The following PSMD1 variants were observed in gnomAD, a reference collection of about 807,000 sequenced individuals.
The protein encoded by PSMD1 is 26S proteasome non-ATPase regulatory subunit 1.
In PSMD1, 18 loss-of-function variants were observed where a neutral mutation model predicts 119.0. The ratio of observed to expected loss-of-function variants is 0.15; its 90% confidence interval spans 0.10 to 0.22. The LOEUF is 0.22. Ranked by LOEUF, PSMD1 falls within the 10% of genes least tolerant of loss-of-function variation. The probability of loss-of-function intolerance (pLI) is 1.00; values close to 1 mark genes in which losing one functional copy is unlikely to be tolerated. For missense variants in PSMD1, 702 were observed against 1,158.5 expected, an observed-to-expected ratio of 0.61 and a Z score of 5.72; for synonymous variants, 374 against 396.6, an observed-to-expected ratio of 0.94 and a Z score of 0.68.
At chr2:231,136,684 C>T (rs952286606) in intron 16 of PSMD1, among the ~76,000 whole-genome samples, 3 of 152,048 alleles carry the variant, frequency 2.0e-5, no homozygotes, top group Non-Finnish European at 4.4e-5. Flanking sequence ...TACAAAAACA[C>T]TGACTGTGTT....
chr2:231,084,965 A>C, intron 14 of PSMD1, 54 bp from the exon 15 acceptor site: 1 of 1,428,844 alleles, frequency 7.0e-7, no homozygotes, highest in Non-Finnish European at 9.8e-7. Context: ...ATTAGACTGT[A>C]GAAGTTAACT....
intron 5 of PSMD1, among the ~76,000 whole-genome samples, chr2:231,069,708 T>A (rs1289883362): frequency 1.3e-5 from 2 of 152,216 alleles, no homozygotes; most frequent in Non-Finnish European, 2.9e-5. Context: ...AGCTACTTAG[T>A]GTATGGACAG....
chr2:231,172,132 T>A (rs1696927943), intron 24 of PSMD1, among the ~76,000 whole-genome samples: 1 of 152,248 alleles, frequency 6.6e-6, no homozygotes, highest in Non-Finnish European at 1.5e-5. Context: ...TCAGCCTTGA[T>A]AGTTTCCTAA....
At chr2:231,078,335 C>T (rs1475338010) in intron 9 of PSMD1, among the ~76,000 whole-genome samples, 1 of 152,156 alleles carries the variant, frequency 6.6e-6, no homozygotes, top group Non-Finnish European at 1.5e-5. Context: ...CAGGTTATCT[C>T]AACACCTTGG....
At chr2:231,108,773 C>T in intron 16 of PSMD1, 1 of 1,614,074 alleles carries the variant, frequency 6.2e-7, no homozygotes, top group Non-Finnish European at 8.5e-7. Context: ...CCGGTAATTG[C>T]AGGTGATATA....
At position 231,085,118 on chromosome 2, in the gene PSMD1, A is replaced by C. The variant is rs1196720524; in HGVS notation, c.1818+4A>C. 6.2e-7 allele frequency: 1 copy of C among 1,611,216 alleles called. No individual in the cohort carries two copies. Among genetic ancestry groups the C allele is most frequent in the East Asian group, 2.2e-5 (1 of 44,854 alleles). ...TCGACGCCTGCTACATGTTGCTGTA[A>C]GTACTCTGACCTTTCTTGGGAATGG... On this transcript the variant is annotated splice_donor_region_variant and intron_variant, in intron 15 of 24. Coordinates refer to ENST00000308696, the MANE Select transcript of PSMD1 (RefSeq NM_002807.4).
At chr2:231,108,929 A>G in intron 16 of PSMD1, 1 of 1,614,166 alleles carries the variant, frequency 6.2e-7, no homozygotes, top group Non-Finnish European at 8.5e-7. Flanking sequence ...AACTAAAGTT[A>G]TATTTGTAAT....
chr2:231,086,334 T>C (rs1025212340), intron 15 of PSMD1, among the ~76,000 whole-genome samples: 1 of 152,210 alleles, frequency 6.6e-6, no homozygotes, highest in African/African-American at 2.4e-5. Flanking sequence ...TGTGAGCCAC[T>C]GTGTCTGGCC....
intron 20 of PSMD1, among the ~76,000 whole-genome samples, chr2:231,161,741 A>G (rs548266018): frequency 6.6e-6 from 1 of 152,324 alleles, no homozygotes; most frequent in African/African-American, 2.4e-5. Flanking sequence ...GTTGAGAAAG[A>G]ATGGTGAGAG....
At chr2:231,165,026 A>ATATATATT (rs1310119353) in intron 21 of PSMD1, 174 bp from the exon 22 acceptor site, 1 of 20,792 alleles carries the variant, frequency 4.8e-5, no homozygotes, top group Non-Finnish European at 6.5e-5. Flanking sequence ...TCTTTGATTT[A>ATATATATT]TATATATTTA....
chr2:231,141,332 T>C (rs1002371797), intron 17 of PSMD1, among the ~76,000 whole-genome samples: 1 of 150,528 alleles, frequency 6.6e-6, no homozygotes, highest in African/African-American at 2.4e-5. Flanking sequence ...TATTTTTCAC[T>C]ACACATGGCA....
intron 8 of PSMD1, among the ~76,000 whole-genome samples, chr2:231,076,778 T>A (rs1694178651): frequency 6.6e-6 from 1 of 152,250 alleles, no homozygotes; most frequent in African/African-American, 2.4e-5. Context: ...TCCTGCGTGT[T>A]ATCAGTAATT....
intron 9 of PSMD1, 43 bp downstream of exon 9, chr2:231,077,205 G>A (rs766738697): frequency 1.5e-5 from 19 of 1,273,674 alleles, no homozygotes; most frequent in Non-Finnish European, 1.8e-5. Context: ...AAAATATTTA[G>A]TTCTTTGTTG....
intron 16 of PSMD1, among the ~76,000 whole-genome samples, chr2:231,119,839 C>T (rs535778114): frequency 8.6e-4 from 107 of 124,158 alleles, no homozygotes; most frequent in Admixed American, 2.0e-3. Flanking sequence ...CACTGCCCTG[C>T]AGTCTGGGCA....
chr2:231,088,537 C>T (rs113225382), intron 16 of PSMD1, among the ~76,000 whole-genome samples: 4 of 152,288 alleles, frequency 2.6e-5, no homozygotes, highest in African/African-American at 9.6e-5. Context: ...GTTATTTTAT[C>T]TGTTATGGTA....
chr2:231,096,496 A>G (rs1694729533), intron 16 of PSMD1, among the ~76,000 whole-genome samples: 1 of 152,148 alleles, frequency 6.6e-6, no homozygotes, highest in Non-Finnish European at 1.5e-5. Context: ...GATGTTGTTT[A>G]AGATTTCTCC....
In PSMD1 at chr2:231,079,954, G is replaced by T. The variant is rs181390087; in HGVS notation, c.1240-187G>T. ...GATTTTTTTTTTTTCTAACCAGAGT[G>T]TAACTGGGTCTCTTTAAAGGCTTGT... On this transcript the variant is annotated intron_variant, in intron 11 of 24. Coordinates refer to ENST00000308696, the MANE Select transcript of PSMD1 (RefSeq NM_002807.4). Among the ~76,000 whole-genome samples, 187 of 151,964 alleles carry T rather than the reference G, an allele frequency of 1.2e-3. 2 individuals carry two copies. The highest frequency in any genetic ancestry group is 0.011 in the Admixed American group (168 of 15,276).
intron 16 of PSMD1, among the ~76,000 whole-genome samples, chr2:231,128,092 G>A (rs78245688): frequency 0.01 from 1,586 of 152,248 alleles, 9 homozygotes; most frequent in Middle Eastern, 0.02. Flanking sequence ...TTAAATATCA[G>A]CCAAGAACAC....
chr2:231,168,134 C>T (rs113692668), intron 23 of PSMD1, among the ~76,000 whole-genome samples: 3,372 of 152,260 alleles, frequency 0.022, 137 homozygotes, highest in African/African-American at 0.077. Flanking sequence ...ATATCACATT[C>T]TACCCACCAG....
Sources: allele counts gnomAD v4.1 joint callset (sites outside exome capture counted in the v4.1 genomes callset), GRCh38; gene constraint gnomAD v4.1.1; transcripts MANE v1.5; gene names NCBI Gene and HGNC (gene_info 2026-07-23, HGNC 2026-07-21).